ARHGAP26: variants seen among roughly 807,000 people sequenced by gnomAD.
ARHGAP26 encodes the protein rho GTPase-activating protein 26.
In ARHGAP26, 38 loss-of-function variants were observed where a neutral mutation model predicts 104.8. The observed-to-expected ratio is 0.36, with a 90% CI of 0.28 to 0.48. The LOEUF is 0.48. Ranked by LOEUF, ARHGAP26 falls within the 20% of genes least tolerant of loss-of-function variation. ARHGAP26 has a pLI of 0.99. For synonymous variants in ARHGAP26, 341 were observed against 340.0 expected (o/e 1.00, Z -0.03); for missense variants, 704 against 947.9 (o/e 0.74, Z 3.38).
chr5:142,771,311 T>G, intron 1 of ARHGAP26: 1 of 1,234,076 alleles, frequency 8.1e-7, no homozygotes, highest in Non-Finnish European at 1.0e-6. Context: ...TGCTCAGCCT[T>G]GAGTGCCCAA....
intron 11 of ARHGAP26, among the ~76,000 whole-genome samples, chr5:142,951,512 G>C (rs1390595165): frequency 6.6e-6 from 1 of 152,200 alleles, no homozygotes; most frequent in Non-Finnish European, 1.5e-5. Flanking sequence ...ATCAGTCTGG[G>C]ATTTGGGCTG....
chr5:142,774,752 C>T (rs541431533), intron 1 of ARHGAP26, among the ~76,000 whole-genome samples: 1 of 152,282 alleles, frequency 6.6e-6, no homozygotes, highest in East Asian at 1.9e-4. Flanking sequence ...TCCCTCCCCA[C>T]TAACCCCGGG....
chr5:142,907,057 C>A (rs1056180582), intron 8 of ARHGAP26, among the ~76,000 whole-genome samples: 2 of 152,176 alleles, frequency 1.3e-5, no homozygotes, highest in African/African-American at 2.4e-5. Context: ...TGGCACCTCC[C>A]TCTTGAGGTG....
At chr5:143,221,099 A>C (rs2151431756) in intron 22 of ARHGAP26, among the ~76,000 whole-genome samples, 1 of 152,296 alleles carries the variant, frequency 6.6e-6, no homozygotes, top group East Asian at 1.9e-4. Flanking sequence ...TCTTCAGTTG[A>C]CAAGCATGAA....
intron 9 of ARHGAP26, chr5:142,908,761 CTA>C (rs1761450786): frequency 6.0e-6 from 1 of 167,122 alleles, no homozygotes; most frequent in African/African-American, 2.4e-5. Flanking sequence ...TGATATGTAG[CTA>C]TCTTTGGAAG....
intron 22 of ARHGAP26, among the ~76,000 whole-genome samples, chr5:143,221,621 C>T (rs1315374625): frequency 6.6e-6 from 1 of 152,134 alleles, no homozygotes. Flanking sequence ...CCAAGCGATC[C>T]TCCCGCTTCG....
intron 17 of ARHGAP26, among the ~76,000 whole-genome samples, chr5:143,098,605 A>T (rs1477067814): frequency 1.3e-5 from 2 of 152,202 alleles, no homozygotes. Flanking sequence ...GGTAGACATG[A>T]TAGGAAAACA....
intron 9 of ARHGAP26, among the ~76,000 whole-genome samples, chr5:142,910,069 G>C (rs1003566698): frequency 1.3e-5 from 2 of 152,134 alleles, no homozygotes; most frequent in South Asian, 2.1e-4. Flanking sequence ...GACACATAAT[G>C]GGTGCTATAT....
intron 1 of ARHGAP26, among the ~76,000 whole-genome samples, chr5:142,818,213 A>T (rs2152060717): frequency 6.9e-6 from 1 of 145,802 alleles, no homozygotes; most frequent in African/African-American, 2.6e-5. Flanking sequence ...TGTACCAATT[A>T]TTGTAAAAAA....
At chr5:142,913,396 C>T in intron 10 of ARHGAP26, 103 bp downstream of exon 10, 1 of 979,596 alleles carries the variant, frequency 1.0e-6, no homozygotes, top group South Asian at 1.4e-5. Context: ...CCCTTCTCCC[C>T]CTCCCTCCTT....
chr5:143,164,647 AG>A (rs1446667278), intron 20 of ARHGAP26, among the ~76,000 whole-genome samples: 1 of 152,170 alleles, frequency 6.6e-6, no homozygotes, highest in African/African-American at 2.4e-5. Context: ...TTACAAAGGG[AG>A]GGTTAATAAA....
chr5:143,082,601 A>C (rs976713251), intron 17 of ARHGAP26, among the ~76,000 whole-genome samples: 1 of 152,220 alleles, frequency 6.6e-6, no homozygotes, highest in Non-Finnish European at 1.5e-5. Flanking sequence ...CCAAAGTCAC[A>C]CTGCTACCAA....
chr5:143,183,643 G>C (rs570667347), intron 20 of ARHGAP26, among the ~76,000 whole-genome samples: 5 of 152,192 alleles, frequency 3.3e-5, no homozygotes, highest in Non-Finnish European at 5.9e-5. Context: ...AGCAGCAGCT[G>C]CATTCACCAG....
chr5:142,816,290 C>T (rs1411936220), intron 1 of ARHGAP26, among the ~76,000 whole-genome samples: 3 of 152,142 alleles, frequency 2.0e-5, no homozygotes, highest in East Asian at 3.9e-4. Flanking sequence ...GGTGCATGAT[C>T]GACACTGGAT....
intron 18 of ARHGAP26, among the ~76,000 whole-genome samples, chr5:143,129,215 A>G (rs1562477934): frequency 6.6e-6 from 1 of 152,260 alleles, no homozygotes; most frequent in Non-Finnish European, 1.5e-5. Flanking sequence ...TTATATTTAC[A>G]CTTATAAATT....
At chr5:142,949,232 G>GAGAGAGAGAGAGAGAGAGA (rs11369150) in intron 11 of ARHGAP26, among the ~76,000 whole-genome samples, 4 of 27,320 alleles carry the variant, frequency 1.5e-4, no homozygotes, top group South Asian at 1.9e-3. Context: ...GAGAGAGAGA[G>GAGAGAGAGAGAGAGAGAGA]GAGAGAGAGA....
intron 20 of ARHGAP26, chr5:143,168,865 C>T (rs1346795822): frequency 1.4e-5 from 2 of 143,876 alleles, no homozygotes; most frequent in Non-Finnish European, 2.9e-5. Flanking sequence ...TTACTCCTTA[C>T]ACAGAGTTGT....
At chr5:143,185,419 T>A (rs1562572131) in intron 20 of ARHGAP26, among the ~76,000 whole-genome samples, 1 of 152,188 alleles carries the variant, frequency 6.6e-6, no homozygotes, top group Non-Finnish European at 1.5e-5. Flanking sequence ...TAAGAAAAAA[T>A]TTCTGCATTA....
At position 143,222,241 on chromosome 5, in the gene ARHGAP26, C is replaced by A. The variant is rs1219763475; in HGVS notation, c.2192-117C>A. The A allele has an allele frequency of 1.0e-5, 5 of 496,466 alleles. No individual in the cohort carries two copies. In the East Asian group the frequency reaches 1.3e-4, roughly 13 times the overall value. 30.8% of individuals were successfully genotyped at this position (496,466 alleles called of 1,614,324 possible). Reference sequence around the variant, plus strand: ...TGATTGTACTCATTGTCCAAGCTTCCTTCATACACACACACACACACACAC... The same window carrying A: ...TGATTGTACTCATTGTCCAAGCTTCATTCATACACACACACACACACACAC... On this transcript the variant is annotated intron_variant, in intron 22 of 22. Coordinates refer to ENST00000645722, the MANE Select transcript of ARHGAP26 (RefSeq NM_001135608.3).
Sources: allele counts gnomAD v4.1 joint callset (sites outside exome capture counted in the v4.1 genomes callset), GRCh38; gene constraint gnomAD v4.1.1; transcripts MANE v1.5; gene names NCBI Gene and HGNC (gene_info 2026-07-23, HGNC 2026-07-21).